Variants in CSMD1 observed in about 807,000 individuals in gnomAD.
The protein encoded by CSMD1 is CUB and sushi domain-containing protein 1.
A neutral mutation model predicts 417.5 loss-of-function variants in CSMD1; 213 were observed. The observed-to-expected ratio is 0.51, with a 90% confidence interval of 0.46 to 0.57. The LOEUF (loss-of-function observed/expected upper bound fraction) is 0.57, where lower values mean the gene tolerates loss of function less well. Ranked by LOEUF, CSMD1 falls within the 20% of genes least tolerant of loss-of-function variation. CSMD1 has a pLI of 0.00. For synonymous variants in CSMD1, 2,862 were observed against 1,736.8 expected (o/e 1.65, Z -16.11); for missense variants, 6,923 against 4,529.7 (o/e 1.53, Z -15.17).
intron 1 of CSMD1, among the ~76,000 whole-genome samples, chr8:4,731,550 T>C (rs1809866449): frequency 6.6e-6 from 1 of 152,238 alleles, no homozygotes; most frequent in South Asian, 2.1e-4. Flanking sequence ...GTTCATTAAT[T>C]ATTAAATACA....
Position 3,788,556 on chromosome 8 carries a change from C to T in CSMD1, c.819-34514G>A, listed in dbSNP as rs1031359768. Among the ~76,000 whole-genome samples, 46 of 152,218 alleles carry T rather than the reference C, an allele frequency of 3.0e-4. 1 individual carries two copies. Among genetic ancestry groups the T allele is most frequent in the South Asian group, 1.5e-3 (7 of 4,826 alleles). ...ATATTTATTCAACCATCCATCCATC[C>T]GTCAATTAATTTAATGCATTAAATC... On this transcript the variant is annotated intron_variant, in intron 5 of 69. Coordinates refer to ENST00000635120, the MANE Select transcript of CSMD1 (RefSeq NM_033225.6).
At chr8:4,955,088 G>A (rs948801707) in intron 1 of CSMD1, among the ~76,000 whole-genome samples, 5 of 152,022 alleles carry the variant, frequency 3.3e-5, no homozygotes, top group African/African-American at 9.7e-5. Flanking sequence ...TGGAACAATC[G>A]CTTCAGCATC....
At chr8:3,578,101 T>C (rs6558802) in intron 9 of CSMD1, among the ~76,000 whole-genome samples, 133,443 of 152,236 alleles carry the variant, frequency 0.88, 58,850 homozygotes, top group African/African-American at 0.92. Context: ...AGAGCCAACA[T>C]ACAGTCCTCC....
chr8:2,986,869 A>C (rs1805956856), intron 54 of CSMD1, among the ~76,000 whole-genome samples: 1 of 151,998 alleles, frequency 6.6e-6, no homozygotes, highest in African/African-American at 2.4e-5. Flanking sequence ...AGGAAATATT[A>C]ATTTGGTGCA....
intron 54 of CSMD1, among the ~76,000 whole-genome samples, chr8:2,994,045 T>G (rs1414391068): frequency 1.5e-5 from 2 of 135,572 alleles, no homozygotes; most frequent in Non-Finnish European, 3.1e-5. Flanking sequence ...ACTTGAGAGG[T>G]TGAGGCAGGA....
At chr8:4,225,454 A>G (rs1011493136) in intron 3 of CSMD1, among the ~76,000 whole-genome samples, 1 of 152,054 alleles carries the variant, frequency 6.6e-6, no homozygotes, top group Non-Finnish European at 1.5e-5. Context: ...TTGTTTAGAA[A>G]TAACAATAAA....
At chr8:4,761,874 TCTATCTATCTATCTAC>T (rs1337192705) in intron 1 of CSMD1, among the ~76,000 whole-genome samples, 246 of 92,224 alleles carry the variant, frequency 2.7e-3, no homozygotes, top group Middle Eastern at 0.014. Context: ...TATCTATCTA[TCTATCTATCTATCTAC>T]CTACCTATCT....
At chr8:4,727,954 G>GTA (rs986604068) in intron 1 of CSMD1, among the ~76,000 whole-genome samples, 6 of 67,324 alleles carry the variant, frequency 8.9e-5, no homozygotes, top group Non-Finnish European at 1.3e-4. Flanking sequence ...ATATATATAT[G>GTA]TATATATATA....
chr8:4,350,810 G>C (rs1003150691), intron 3 of CSMD1, among the ~76,000 whole-genome samples: 1 of 152,112 alleles, frequency 6.6e-6, no homozygotes, highest in Non-Finnish European at 1.5e-5. Context: ...AGTTACTTTA[G>C]CAAGATGACT....
At chr8:4,757,191 A>C (rs1367664407) in intron 1 of CSMD1, among the ~76,000 whole-genome samples, 1 of 152,226 alleles carries the variant, frequency 6.6e-6, no homozygotes, top group Non-Finnish European at 1.5e-5. Context: ...TTACTTTATC[A>C]ATATTAGTTT....
At chr8:3,652,765 T>C (rs750723200) in intron 7 of CSMD1, among the ~76,000 whole-genome samples, 9 of 152,180 alleles carry the variant, frequency 5.9e-5, no homozygotes, top group Non-Finnish European at 1.0e-4. Flanking sequence ...AAGGTGAGAT[T>C]TGGCTGGGAA....
At chr8:4,851,510 T>C (rs1801481043) in intron 1 of CSMD1, among the ~76,000 whole-genome samples, 1 of 152,058 alleles carries the variant, frequency 6.6e-6, no homozygotes, top group African/African-American at 2.4e-5. Flanking sequence ...CGCTTCTCAC[T>C]CCCCTATACA....
At chr8:3,890,571 A>C (rs77405640) in intron 5 of CSMD1, among the ~76,000 whole-genome samples, 1 of 152,154 alleles carries the variant, frequency 6.6e-6, no homozygotes, top group African/African-American at 2.4e-5. Flanking sequence ...TAGGTAACAC[A>C]TAAGGTTTTT....
intron 12 of CSMD1, among the ~76,000 whole-genome samples, chr8:3,437,007 A>T (rs1814608619): frequency 6.6e-6 from 1 of 152,224 alleles, no homozygotes; most frequent in African/African-American, 2.4e-5. Context: ...AGACAGCTTG[A>T]AAACCTGGCT....
chr8:2,982,791 G>A (rs1319811811), intron 54 of CSMD1, among the ~76,000 whole-genome samples: 2 of 152,134 alleles, frequency 1.3e-5, no homozygotes, highest in African/African-American at 4.8e-5. Context: ...GTGTTTTCCT[G>A]AAAAACTCCC....
intron 15 of CSMD1, among the ~76,000 whole-genome samples, chr8:3,405,117 T>C (rs1472044464): frequency 6.6e-6 from 1 of 152,178 alleles, no homozygotes; most frequent in Admixed American, 6.5e-5. Context: ...TACATAACCT[T>C]TTCAATAATA....
At chr8:4,758,442 T>A (rs952189840) in intron 1 of CSMD1, among the ~76,000 whole-genome samples, 1 of 152,032 alleles carries the variant, frequency 6.6e-6, no homozygotes, top group Non-Finnish European at 1.5e-5. Flanking sequence ...AAAGGTGACA[T>A]AAAGGAAGCG....
At chr8:4,548,746 T>C (rs1797738363) in intron 2 of CSMD1, among the ~76,000 whole-genome samples, 1 of 152,174 alleles carries the variant, frequency 6.6e-6, no homozygotes, top group Admixed American at 6.5e-5. Flanking sequence ...ACAGAACCGC[T>C]TTGAAAGCAG....
chr8:4,156,892 G>A (rs1796865257), intron 3 of CSMD1, among the ~76,000 whole-genome samples: 2 of 152,160 alleles, frequency 1.3e-5, no homozygotes, highest in South Asian at 4.1e-4. Flanking sequence ...ATAAAATGGA[G>A]TGCATTTTTC....
Sources: gnomAD v4.1 joint callset for allele counts (sites outside exome capture counted in the v4.1 genomes callset) on GRCh38, gnomAD v4.1.1 for gene constraint, MANE v1.5 for transcripts, NCBI Gene and HGNC (gene_info 2026-07-23, HGNC 2026-07-21) for gene names.